Variants in CSMD3 observed in about 807,000 individuals in gnomAD.
The protein encoded by CSMD3 is CUB and sushi domain-containing protein 3.
Under a neutral mutation model 435.2 loss-of-function variants are expected in CSMD3, and 177 were observed. The observed-to-expected ratio is 0.41, with a 90% confidence interval of 0.36 to 0.46. The LOEUF (loss-of-function observed/expected upper bound fraction) is 0.46. CSMD3 is among the 20% of genes least tolerant of loss of function. CSMD3 has a pLI of 0.34. For synonymous variants in CSMD3, 1,656 were observed against 1,520.5 expected, an observed-to-expected ratio of 1.09 and a Z score of -2.07; for missense variants, 4,265 against 4,504.6, an observed-to-expected ratio of 0.95 and a Z score of 1.52.
chr8:112,990,235 C>T lies in CSMD3; in HGVS notation c.1031-14087G>A, dbSNP rs114050047. Among the ~76,000 whole-genome samples the T allele has an allele frequency of 6.7e-3, 1,011 of 152,006 alleles. 12 individuals carry two copies. Among genetic ancestry groups the T allele is most frequent in the African/African-American group, 0.023 (969 of 41,514 alleles). On this transcript the variant is annotated intron_variant, in intron 6 of 70. Transcript: ENST00000297405. ...ACCAGAAGATAAATGGCACAAGGAG[C>T]AAAACTGAAGTGTCCCAATTTACAA...
chr8:113,097,217 T>C (rs540880787), intron 5 of CSMD3, among the ~76,000 whole-genome samples: 34 of 152,012 alleles, frequency 2.2e-4, no homozygotes, highest in African/African-American at 8.2e-4. Flanking sequence ...GGATGGAGAG[T>C]TGGATTAGAT....
Position 112,563,628 on chromosome 8 carries a change from A to G in CSMD3, c.4043-6674T>C, listed in dbSNP as rs185358030. On this transcript the variant is annotated intron_variant, in intron 24 of 70. Coordinates refer to ENST00000297405, the MANE Select transcript of CSMD3 (RefSeq NM_198123.2). ...ATTAACTTGGTCAAAACCAATCAGC[A>G]TTGGGCATTTGGCCTAAATGTATAG... Among the ~76,000 whole-genome samples the G allele has an allele frequency of 3.6e-3, 544 of 152,126 alleles. 3 individuals are homozygous for G. The highest frequency in any genetic ancestry group is 0.013 in the African/African-American group (521 of 41,532).
At chr8:113,131,249 A>T (rs1039170968) in intron 4 of CSMD3, among the ~76,000 whole-genome samples, 1 of 152,106 alleles carries the variant, frequency 6.6e-6, no homozygotes, top group Non-Finnish European at 1.5e-5. Flanking sequence ...AGTCAACACA[A>T]GGGGGAAAAT....
intron 13 of CSMD3, among the ~76,000 whole-genome samples, chr8:112,799,151 C>T (rs1308364461): frequency 6.6e-6 from 1 of 151,806 alleles, no homozygotes; most frequent in African/African-American, 2.4e-5. Context: ...TTTTAATAAA[C>T]TGGCATTTAC....
At chr8:112,534,930 C>G (rs1256111858) in intron 27 of CSMD3, among the ~76,000 whole-genome samples, 1 of 152,020 alleles carries the variant, frequency 6.6e-6, no homozygotes, top group Non-Finnish European at 1.5e-5. Context: ...AGAAAAAAAC[C>G]ACATGATTAT....
At chr8:113,432,478 G>C (rs1442012881) in intron 1 of CSMD3, among the ~76,000 whole-genome samples, 1 of 152,218 alleles carries the variant, frequency 6.6e-6, no homozygotes, top group African/African-American at 2.4e-5. Context: ...GGGGCTGGGA[G>C]AAGACCACTT....
chr8:113,220,793 T>C lies in CSMD3; in HGVS notation c.515-46877A>G, dbSNP rs117801810. 2.8e-3 allele frequency among the ~76,000 whole-genome samples: 422 copies of C among 151,370 alleles called. 1 individual carries two copies. Among genetic ancestry groups the C allele is most frequent in the Non-Finnish European group, 4.3e-3 (293 of 67,542 alleles). The stretch of plus-strand genomic sequence containing the variant: ...GGAAGTAACTATACAGTGGGGAAAA[T>C]TGACCTGTTCAAGTAATTAAAAGGA... On this transcript the variant is annotated intron_variant, in intron 3 of 70. Coordinates refer to ENST00000297405, the MANE Select transcript of CSMD3 (RefSeq NM_198123.2).
intron 13 of CSMD3, among the ~76,000 whole-genome samples, chr8:112,772,294 T>G (rs1157247016): frequency 6.6e-6 from 1 of 152,064 alleles, no homozygotes; most frequent in Non-Finnish European, 1.5e-5. Context: ...GCTATTAATC[T>G]GTAACCCTAC....
At position 112,800,171 on chromosome 8, in the gene CSMD3, T is replaced by C; in HGVS notation, c.1963A>G (p.Asn655Asp). Residue 655 changes from asparagine to aspartate, a missense_variant, in exon 13 of 71, where the codon AAC (asparagine) becomes GAC (aspartate). Around this residue, in one of 3 missense-constraint regions of CSMD3, gnomAD observed 279 missense variants for 369.0 expected, o/e 0.76. Transcript: ENST00000297405. ...AGAAATTAATCATTACCTTTGTAGT[T>C]AACCTTGAAACCAACAGATCCAACA... is the stretch of plus-strand genomic sequence containing the variant. The part of the protein sequence containing the change: ...ESVGSVGFKV[N>D]YKEIEKESCG... 6.2e-7 allele frequency: 1 copy of C among 1,604,630 alleles called. No individual in the cohort carries two copies. Among genetic ancestry groups the C allele is most frequent in the Non-Finnish European group, 8.5e-7 (1 of 1,171,570 alleles).
chr8:112,978,923 A>G (rs1206995868), intron 6 of CSMD3, among the ~76,000 whole-genome samples: 2 of 151,950 alleles, frequency 1.3e-5, no homozygotes, highest in Admixed American at 6.6e-5. Context: ...ATAGGACTAA[A>G]ATAATATTAG....
intron 2 of CSMD3, among the ~76,000 whole-genome samples, chr8:113,305,375 T>C (rs1210962645): frequency 1.3e-5 from 2 of 152,234 alleles, no homozygotes; most frequent in African/African-American, 4.8e-5. Flanking sequence ...CTAAATATTT[T>C]ATTAAATATT....
At chr8:113,355,235 G>A (rs1426503988) in intron 1 of CSMD3, among the ~76,000 whole-genome samples, 4 of 151,884 alleles carry the variant, frequency 2.6e-5, no homozygotes, top group Non-Finnish European at 5.9e-5. Context: ...ATATAAACAT[G>A]TATGTGTAGG....
chr8:112,708,566 C>A (rs1460044405), intron 13 of CSMD3, among the ~76,000 whole-genome samples: 2 of 149,864 alleles, frequency 1.3e-5, no homozygotes, highest in East Asian at 3.9e-4. Context: ...GTGGGAAGTG[C>A]AGAAGGAAGA....
intron 4 of CSMD3, among the ~76,000 whole-genome samples, chr8:113,131,687 C>T (rs1380790739): frequency 6.6e-6 from 1 of 152,172 alleles, no homozygotes; most frequent in African/African-American, 2.4e-5. Flanking sequence ...CACTGGGGCA[C>T]TGCCTAGTGG....
Position 112,849,197 on chromosome 8 carries a change from C to T in CSMD3, c.1755+9948G>A, listed in dbSNP as rs552462736. ...TCTCTATGAATTATATTCTTCTATG[C>T]CCAGTTAATTTAATCTTTCATTACT... On this transcript the variant is annotated intron_variant, in intron 11 of 70. Transcript: ENST00000297405. 2.6e-5 allele frequency among the ~76,000 whole-genome samples: 4 copies of T among 152,058 alleles called. No homozygotes were observed. In the South Asian group the frequency reaches 8.3e-4, roughly 32 times the overall value.
At chr8:113,350,428 A>C (rs1446365471) in intron 1 of CSMD3, among the ~76,000 whole-genome samples, 1 of 152,162 alleles carries the variant, frequency 6.6e-6, no homozygotes, top group African/African-American at 2.4e-5. Flanking sequence ...ATGGTGAATT[A>C]AAAAGAACTC....
At chr8:113,114,598 G>T (rs1207923932) in intron 4 of CSMD3, among the ~76,000 whole-genome samples, 1 of 152,114 alleles carries the variant, frequency 6.6e-6, no homozygotes, top group Non-Finnish European at 1.5e-5. Flanking sequence ...TTATGCATGG[G>T]TTAGTACAGT....
intron 6 of CSMD3, among the ~76,000 whole-genome samples, chr8:113,010,919 C>T (rs1000607049): frequency 6.6e-6 from 1 of 151,482 alleles, no homozygotes; most frequent in Non-Finnish European, 1.5e-5. Flanking sequence ...CTTCAAAATC[C>T]TAAATCCTGT....
intron 13 of CSMD3, among the ~76,000 whole-genome samples, chr8:112,784,056 A>G (rs991769491): frequency 2.0e-5 from 3 of 152,078 alleles, no homozygotes; most frequent in African/African-American, 7.2e-5. Context: ...ATCAACAAAG[A>G]AACACTGGAC....
Sources: gnomAD v4.1 joint callset for allele counts (sites outside exome capture counted in the v4.1 genomes callset) on GRCh38, gnomAD v4.1.1 for gene constraint, gnomAD v4.1.1 regional missense constraint, MANE v1.5 for transcripts, NCBI Gene and HGNC (gene_info 2026-07-23, HGNC 2026-07-21) for gene names.